Variants in GSN observed in about 807,000 individuals in gnomAD.
GSN encodes the protein gelsolin.
A neutral mutation model predicts 85.7 loss-of-function variants in GSN; 56 were observed. The observed-to-expected ratio is 0.65, with a 90% confidence interval of 0.53 to 0.82. The LOEUF is 0.82. Ranked by LOEUF, GSN falls within the 40% of genes least tolerant of loss-of-function variation. The probability of loss-of-function intolerance (pLI) is 0.00; values close to 1 mark genes in which losing one functional copy is unlikely to be tolerated. For synonymous variants in GSN, 373 were observed against 399.1 expected, an observed-to-expected ratio of 0.93 and a Z score of 0.78; for missense variants, 857 against 979.8, an observed-to-expected ratio of 0.87 and a Z score of 1.67.
In GSN at chr9:121,310,206, G is replaced by A. The variant is rs529477744; in HGVS notation, c.352-478G>A. On this transcript the variant is annotated intron_variant, in intron 4 of 17. Transcript: ENST00000432226. ...GACAGAGCCTTTATTATGCACATGCGCGTTGTATAACAGTCAGGGAGGGTG... is the reference window on the plus strand; with the variant it reads ...GACAGAGCCTTTATTATGCACATGCACGTTGTATAACAGTCAGGGAGGGTG... The A allele has an allele frequency of 2.6e-5, 6 of 228,812 alleles. No individual in the cohort carries two copies. In the East Asian group the frequency reaches 3.3e-4, roughly 12 times the overall value. The allele number at this position is 228,812 out of a possible 1,614,324, so 14.2% of individuals were successfully genotyped here. A position where few individuals can be genotyped will look rare whatever the true frequency, so the allele number is the denominator to read the frequency against.
chr9:121,327,563 C>A (rs1326646238), intron 14 of GSN, 81 bp downstream of exon 14: 1 of 1,157,990 alleles, frequency 8.6e-7, no homozygotes, highest in African/African-American at 1.5e-5. Flanking sequence ...CTTGGGGGCT[C>A]TAAATCCTCC....
intron 7 of GSN, among the ~76,000 whole-genome samples, chr9:121,314,721 T>C (rs779745907): frequency 3.1e-4 from 47 of 152,342 alleles, no homozygotes; most frequent in South Asian, 8.3e-4. Context: ...TTCACTGGTT[T>C]AAAAAACCAG....
intron 4 of GSN, among the ~76,000 whole-genome samples, chr9:121,308,204 A>C (rs1277083550): frequency 6.6e-6 from 1 of 152,202 alleles, no homozygotes; most frequent in African/African-American, 2.4e-5. Flanking sequence ...TAGCTCTGTG[A>C]GCACTGGCCG....
chr9:121,326,942 C>A (rs1034758331), intron 13 of GSN: 26 of 680,456 alleles, frequency 3.8e-5, no homozygotes, highest in Non-Finnish European at 2.7e-6. Context: ...GCATGCCATT[C>A]CTGATTACGT....
intron 2 of GSN, chr9:121,286,595 C>T (rs1447522545): frequency 4.7e-6 from 7 of 1,490,526 alleles, no homozygotes; most frequent in East Asian, 2.5e-5. Context: ...CTCCTTTGTG[C>T]TCCCAGGGCC....
intron 4 of GSN, among the ~76,000 whole-genome samples, chr9:121,226,283 T>G (rs773304959): frequency 6.6e-6 from 1 of 152,224 alleles, no homozygotes; most frequent in African/African-American, 2.4e-5. Flanking sequence ...CACTTTCTCC[T>G]TCCTGGAGTT....
chr9:121,280,810 A>T (rs1413078088), intron 1 of GSN: 1 of 152,182 alleles, frequency 6.6e-6, no homozygotes, highest in Non-Finnish European at 1.5e-5. Context: ...CAGTTTATAT[A>T]ACTTCAGAGT....
intron 6 of GSN, among the ~76,000 whole-genome samples, chr9:121,254,946 T>A (rs1389521042): frequency 8.0e-6 from 1 of 124,338 alleles, no homozygotes; most frequent in African/African-American, 2.5e-5. Context: ...TTTATTTATT[T>A]ATTTGTTTGT....
upstream of GSN, among the ~76,000 whole-genome samples, chr9:121,266,369 T>G (rs2055203694): frequency 6.6e-6 from 1 of 152,222 alleles, no homozygotes; most frequent in Non-Finnish European, 1.5e-5. Context: ...AAGGCATGTG[T>G]ATGCCGGGGC....
intron 2 of GSN, among the ~76,000 whole-genome samples, chr9:121,289,658 C>T (rs1001221007): frequency 6.6e-6 from 1 of 152,116 alleles, no homozygotes; most frequent in African/African-American, 2.4e-5. Flanking sequence ...CCCCAGTAGC[C>T]CGGTGAGGAG....
intron 4 of GSN, among the ~76,000 whole-genome samples, chr9:121,213,714 C>T (rs2054007308): frequency 6.6e-6 from 1 of 152,116 alleles, no homozygotes; most frequent in South Asian, 2.1e-4. Flanking sequence ...AAGAAGGGGC[C>T]TTTGAGATCA....
At chr9:121,239,381 CA>C in intron 5 of GSN, 1 of 441,708 alleles carries the variant, frequency 2.3e-6, no homozygotes, top group Admixed American at 2.7e-5. Context: ...TCCATTGAGC[CA>C]TTTTCTTCAA....
intron 4 of GSN, among the ~76,000 whole-genome samples, chr9:121,304,054 G>A (rs1475267926): frequency 6.6e-6 from 1 of 152,200 alleles, no homozygotes; most frequent in Non-Finnish European, 1.5e-5. Context: ...AATGACCAGG[G>A]TCCTAGGGTA....
intron 6 of GSN, among the ~76,000 whole-genome samples, chr9:121,250,924 T>C (rs1200886803): frequency 6.8e-6 from 1 of 147,344 alleles, no homozygotes. Flanking sequence ...TTGAGACAGG[T>C]CTGGCTCCTA....
Position 121,292,927 on chromosome 9 carries a change from C to T in GSN, c.-9-9036C>T, listed in dbSNP as rs2058833325. Among the ~76,000 whole-genome samples the T allele has an allele frequency of 2.0e-5, 3 of 152,184 alleles. No individual in the cohort carries two copies. The South Asian group carries it at 6.2e-4, about 32-fold the overall frequency. Reference sequence around the variant, plus strand: ...CATTTATGGTCTCATTTAATCGTCTCAACTAGCCTTCAAGAAAGGCACTTT... The same window carrying T: ...CATTTATGGTCTCATTTAATCGTCTTAACTAGCCTTCAAGAAAGGCACTTT... On this transcript the variant is annotated intron_variant, in intron 2 of 17. Transcript: ENST00000432226.
At chr9:121,237,447 C>T (rs769673695) in intron 5 of GSN, among the ~76,000 whole-genome samples, 3 of 152,128 alleles carry the variant, frequency 2.0e-5, no homozygotes, top group Admixed American at 6.5e-5. Flanking sequence ...TGCCTGTAGT[C>T]CCAGCTACTT....
At chr9:121,282,222 C>T (rs2057470976) in intron 2 of GSN, 5 of 570,258 alleles carry the variant, frequency 8.8e-6, no homozygotes, top group African/African-American at 1.9e-5. Flanking sequence ...AGGATGGGTG[C>T]CTTGGTCTCC....
intron 4 of GSN, chr9:121,309,091 C>G (rs959666691): frequency 6.6e-6 from 1 of 152,240 alleles, no homozygotes; most frequent in Admixed American, 6.5e-5. Flanking sequence ...GAGGAGGAAA[C>G]AAGGTTTCCA....
intron 5 of GSN, among the ~76,000 whole-genome samples, chr9:121,245,149 G>A (rs996781648): frequency 4.6e-5 from 7 of 152,104 alleles, no homozygotes; most frequent in South Asian, 2.1e-4. Context: ...ACTATCATTC[G>A]ATTCTATACT....
Sources: gnomAD v4.1 joint callset for allele counts (sites outside exome capture counted in the v4.1 genomes callset) on GRCh38, gnomAD v4.1.1 for gene constraint, MANE v1.5 for transcripts, NCBI Gene and HGNC (gene_info 2026-07-23, HGNC 2026-07-21) for gene names.